The following GMPR variants were observed in gnomAD, a reference collection of about 807,000 sequenced individuals.
The protein encoded by GMPR is GMP reductase 1.
Under a neutral mutation model 38.4 loss-of-function variants are expected in GMPR, and 31 were observed. The ratio of observed to expected loss-of-function variants is 0.81; its 90% CI spans 0.61 to 1.09. GMPR has a LOEUF of 1.09. GMPR is among the 50% of genes least tolerant of loss of function. The pLI is 0.00. For missense variants in GMPR, 468 were observed against 453.7 expected (o/e 1.03, Z -0.29); for synonymous variants, 162 against 173.3 (o/e 0.93, Z 0.51).
intron 3 of GMPR, 88 bp from the exon 4 acceptor site, chr6:16,254,474 T>A: frequency 2.7e-6 from 3 of 1,119,664 alleles, no homozygotes; most frequent in Non-Finnish European, 4.0e-6. Flanking sequence ...GTTGTTGTAC[T>A]GTCCCAGAAT....
intron 2 of GMPR, among the ~76,000 whole-genome samples, chr6:16,248,434 C>T (rs1313020000): frequency 6.6e-6 from 1 of 150,666 alleles, no homozygotes; most frequent in African/African-American, 2.4e-5. Context: ...CTGCTGCACT[C>T]AGGGGTTCTG....
intron 7 of GMPR, among the ~76,000 whole-genome samples, chr6:16,288,182 T>C (rs968145097): frequency 6.6e-6 from 1 of 152,240 alleles, no homozygotes; most frequent in Non-Finnish European, 1.5e-5. Context: ...AGCCCGTCTC[T>C]GCACTCTGGG....
intron 1 of GMPR, among the ~76,000 whole-genome samples, chr6:16,243,215 C>T (rs1460010097): frequency 6.6e-6 from 1 of 152,188 alleles, no homozygotes; most frequent in Non-Finnish European, 1.5e-5. Flanking sequence ...ATATGTCCAG[C>T]ACAAAGGTGG....
At chr6:16,291,492 G>A (rs1277507540) in intron 8 of GMPR, among the ~76,000 whole-genome samples, 1 of 152,072 alleles carries the variant, frequency 6.6e-6, no homozygotes, top group Non-Finnish European at 1.5e-5. Context: ...CCAAAGTGCT[G>A]GGATTATAGG....
intron 5 of GMPR, among the ~76,000 whole-genome samples, chr6:16,275,716 G>C (rs1489707302): frequency 6.6e-6 from 1 of 152,204 alleles, no homozygotes; most frequent in Non-Finnish European, 1.5e-5. Flanking sequence ...AGATTAGGAA[G>C]ACTCTTTTTA....
At chr6:16,250,216 TC>T in intron 2 of GMPR, 67 bp from the exon 3 acceptor site, 1 of 855,910 alleles carries the variant, frequency 1.2e-6, no homozygotes, top group Non-Finnish European at 2.0e-6. Context: ...GATCACCACC[TC>T]CAGATGGAGG....
At chr6:16,256,729 T>C (rs1388471842) in intron 4 of GMPR, among the ~76,000 whole-genome samples, 5 of 152,198 alleles carry the variant, frequency 3.3e-5, no homozygotes, top group East Asian at 1.9e-4. Context: ...CCCTTGGTTC[T>C]TGAGACAGAA....
rs142002554 is a variant in GMPR, at chr6:16,295,116, A to AACTC, written c.970_973dup (p.Lys325ThrfsTer57). On this transcript the variant is annotated frameshift_variant, in exon 9 of 9. Coordinates refer to ENST00000259727, the MANE Select transcript of GMPR (RefSeq NM_006877.4). LOFTEE classifies it high-confidence loss of function. The stretch of plus-strand genomic sequence containing the variant: ...ACGTGCACCTACGTGGGGGCCGCCA[A>AACTC]ACTCAAGGAGCTCAGCAGGAGGGCA... 5.3e-4 allele frequency: 840 copies of AACTC among 1,579,192 alleles called. 11 individuals are homozygous for AACTC. In the East Asian group the frequency reaches 0.016, roughly 31 times the overall value.
intron 8 of GMPR, among the ~76,000 whole-genome samples, chr6:16,292,497 C>G (rs1232293137): frequency 6.6e-6 from 1 of 152,102 alleles, no homozygotes; most frequent in Non-Finnish European, 1.5e-5. Flanking sequence ...TCACTCCTTC[C>G]AGGTAGCCCC....
chr6:16,249,392 A>G (rs1430186340), intron 2 of GMPR, among the ~76,000 whole-genome samples: 3 of 151,072 alleles, frequency 2.0e-5, no homozygotes, highest in African/African-American at 7.3e-5. Context: ...CTGGTTTTGA[A>G]CTCCTGACCT....
At chr6:16,251,589 C>T (rs1456966980) in intron 3 of GMPR, among the ~76,000 whole-genome samples, 1 of 152,052 alleles carries the variant, frequency 6.6e-6, no homozygotes, top group South Asian at 2.1e-4. Flanking sequence ...AAAGGCCACA[C>T]GCAAAGGCCA....
At chr6:16,250,547 C>T (rs768989716) in intron 3 of GMPR, among the ~76,000 whole-genome samples, 180 bp downstream of exon 3, 3 of 152,268 alleles carry the variant, frequency 2.0e-5, no homozygotes, top group Non-Finnish European at 2.9e-5. Flanking sequence ...TATTAAAATA[C>T]TAGGATTTAT....
intron 4 of GMPR, among the ~76,000 whole-genome samples, chr6:16,272,293 G>T (rs1310371720): frequency 6.6e-6 from 1 of 152,142 alleles, no homozygotes; most frequent in Non-Finnish European, 1.5e-5. Context: ...TTCCATTTTG[G>T]GGAATATATT....
chr6:16,282,037 G>A, intron 6 of GMPR, among the ~76,000 whole-genome samples: 1 of 152,212 alleles, frequency 6.6e-6, no homozygotes, highest in Non-Finnish European at 1.5e-5. Context: ...CCCTGAACCT[G>A]CTAGAAACCC....
intron 2 of GMPR, 75 bp from the exon 3 acceptor site, chr6:16,250,209 C>T: frequency 2.4e-6 from 2 of 823,810 alleles, no homozygotes; most frequent in Middle Eastern, 2.2e-4. Flanking sequence ...CTTGTTGGAT[C>T]ACCACCTCCA....
chr6:16,278,817 T>G lies in GMPR; in HGVS notation c.581T>G (p.Val194Gly). ...SVCTTRTKTGVGYPQLSAVIE... is the reference protein window; with the variant it reads ...SVCTTRTKTGGGYPQLSAVIE... ...TGCACCACCCGCACCAAGACGGGAG[T>G]GGGGTACCCCCAGCTGAGTGCCGTC... The change falls in exon 6 of 9, where the codon GTG becomes GGG. Residue 194 changes from valine (V) to glycine (G), a missense_variant. By Grantham distance (109) the Val-to-Gly change is moderately radical (BLOSUM62 -3). Transcript: ENST00000259727. The G allele has an allele frequency of 2.5e-6, 4 of 1,614,096 alleles. No homozygotes were observed. The highest frequency in any genetic ancestry group is 1.7e-6 in the Non-Finnish European group (2 of 1,179,922).
chr6:16,289,441 C>CT (rs1581667938), intron 7 of GMPR: 1 of 152,282 alleles, frequency 6.6e-6, no homozygotes, highest in African/African-American at 2.4e-5. Context: ...CATTCAGCGT[C>CT]TATCATGTGC....
Position 16,266,671 on chromosome 6 carries a change from C to T in GMPR, c.466-7744C>T, listed in dbSNP as rs373541187. The stretch of plus-strand genomic sequence containing the variant: ...CAAAAAAAAGAAAAAATTAGCCGGG[C>T]GCAGTGGCGGGCGCCTGTAGTCCCA... On this transcript the variant is annotated intron_variant, in intron 4 of 8. Coordinates refer to ENST00000259727, the MANE Select transcript of GMPR (RefSeq NM_006877.4). Among the ~76,000 whole-genome samples, 140 of 151,448 alleles carry T rather than the reference C, an allele frequency of 9.2e-4. 1 individual carries two copies. The highest frequency in any genetic ancestry group is 3.3e-3 in the African/African-American group (135 of 41,348).
intron 1 of GMPR, among the ~76,000 whole-genome samples, chr6:16,240,807 C>T (rs898513330): frequency 6.6e-6 from 1 of 151,912 alleles, no homozygotes; most frequent in African/African-American, 2.4e-5. Context: ...AACTCAGTGC[C>T]CTTGAGGAGT....
Sources: gnomAD v4.1 joint callset for allele counts (sites outside exome capture counted in the v4.1 genomes callset) on GRCh38, gnomAD v4.1.1 for gene constraint, MANE v1.5 for transcripts, NCBI Gene and HGNC (gene_info 2026-07-23, HGNC 2026-07-21) for gene names.